CYFIP2: variants seen among roughly 807,000 people sequenced by gnomAD.
CYFIP2 encodes cytoplasmic FMR1-interacting protein 2.
In CYFIP2, 29 loss-of-function variants were observed where a neutral mutation model predicts 158.7. That is an observed-to-expected ratio of 0.18 (90% CI 0.14 to 0.25). The LOEUF (loss-of-function observed/expected upper bound fraction) is 0.25. CYFIP2 is among the 10% of genes least tolerant of loss of function. The pLI, the probability that CYFIP2 is intolerant of heterozygous loss-of-function variation, is 1.00. For missense variants in CYFIP2, 852 were observed against 1,639.5 expected (o/e 0.52, Z 8.29); for synonymous variants, 585 against 617.6 (o/e 0.95, Z 0.78).
Position 157,383,307 on chromosome 5 carries a change from A to C in CYFIP2, c.3155A>C (p.Lys1052Thr). 6.2e-7 allele frequency: 1 copy of C among 1,613,934 alleles called. No individual in the cohort carries two copies. Among genetic ancestry groups the C allele is most frequent in the South Asian group, 1.1e-5 (1 of 91,064 alleles). Residue 1052 changes from lysine (K) to threonine (T), a missense_variant, in exon 28 of 31, where the codon AAG (lysine) becomes ACG (threonine). By Grantham distance (78) the Lys-to-Thr change is moderately conservative. Around this residue, in one of 8 missense-constraint regions of CYFIP2, gnomAD observed 223 missense variants for 381.6 expected, o/e 0.58. Coordinates refer to ENST00000620254, the MANE Select transcript of CYFIP2 (RefSeq NM_001037333.3). ...GTCCGGATGAAACGTCTGGAAGCCA[A>C]GTATGCCCCGCTCCACCTGGTCCCT... is the stretch of plus-strand genomic sequence containing the variant. The part of the protein sequence containing the change: ...LEVRMKRLEA[K>T]YAPLHLVPLI...
At chr5:157,300,488 T>A (rs1758651595) in intron 5 of CYFIP2, among the ~76,000 whole-genome samples, 2 of 145,652 alleles carry the variant, frequency 1.4e-5, no homozygotes, top group African/African-American at 2.6e-5. Context: ...TGAGCCGAGA[T>A]CGCACCGCTG....
chr5:157,286,933 G>C (rs1043954653), intron 2 of CYFIP2, 86 bp from the exon 3 acceptor site: 3 of 963,738 alleles, frequency 3.1e-6, no homozygotes, highest in Non-Finnish European at 4.9e-6. Flanking sequence ...TGCGTTGTTT[G>C]TTGGCAGCAG....
intron 7 of CYFIP2, 79 bp downstream of exon 7, chr5:157,302,969 A>T (rs1013523993): frequency 9.1e-7 from 1 of 1,102,674 alleles, no homozygotes; most frequent in Non-Finnish European, 1.3e-6. Context: ...GTGGACCACG[A>T]GCCCAAGCAG....
chr5:157,392,143 C>T (rs1344068954), intron 30 of CYFIP2, among the ~76,000 whole-genome samples: 1 of 152,022 alleles, frequency 6.6e-6, no homozygotes, highest in Non-Finnish European at 1.5e-5. Context: ...TTTACATATT[C>T]TAGATATTAC....
At chr5:157,307,636 G>GGTGTGTGTGTGT (rs144622623) in intron 8 of CYFIP2, 125 bp from the exon 9 acceptor site, 8,173 of 427,476 alleles carry the variant, frequency 0.019, 216 homozygotes, top group African/African-American at 0.094. Context: ...GTCTCTACAG[G>GGTGTGTGTGTGT]GTGTGTGTGT....
chr5:157,294,675 A>G (rs1457702487), intron 3 of CYFIP2, 108 bp from the exon 4 acceptor site: 32 of 771,088 alleles, frequency 4.1e-5, no homozygotes, highest in Non-Finnish European at 6.9e-5. Flanking sequence ...AGTGATGTCC[A>G]TGCTGTGGGT....
intron 17 of CYFIP2, 189 bp downstream of exon 17, chr5:157,325,827 C>T: frequency 1.6e-6 from 1 of 632,426 alleles, no homozygotes; most frequent in Non-Finnish European, 2.6e-6. Context: ...CTGAAGTTTC[C>T]CAGCCCAACT....
chr5:157,347,995 C>G (rs911231641), intron 23 of CYFIP2, among the ~76,000 whole-genome samples: 3 of 152,270 alleles, frequency 2.0e-5, no homozygotes, highest in African/African-American at 7.2e-5. Context: ...GATAAAGTAT[C>G]TGGGACACCT....
intron 25 of CYFIP2, among the ~76,000 whole-genome samples, chr5:157,360,851 TGGA>T (rs1263280965): frequency 2.0e-5 from 3 of 152,198 alleles, no homozygotes; most frequent in African/African-American, 7.2e-5. Flanking sequence ...AAACAGGGCC[TGGA>T]GAAGAGGGAA....
chr5:157,305,143 C>T (rs1183055923), intron 8 of CYFIP2, among the ~76,000 whole-genome samples: 2 of 152,044 alleles, frequency 1.3e-5, no homozygotes, highest in Non-Finnish European at 2.9e-5. Context: ...TTTTCTTTAT[C>T]TGCTTGTTGG....
chr5:157,309,958 A>G, intron 10 of CYFIP2, 124 bp downstream of exon 10: 1 of 927,760 alleles, frequency 1.1e-6, no homozygotes, highest in South Asian at 1.5e-5. Context: ...CCATCAGAAC[A>G]CAGGTGCCGG....
chr5:157,278,104 T>G (rs1313219290), intron 1 of CYFIP2, among the ~76,000 whole-genome samples: 1 of 152,064 alleles, frequency 6.6e-6, no homozygotes, highest in African/African-American at 2.4e-5. Flanking sequence ...ACTGTAAATT[T>G]TTTTAATAGG....
At chr5:157,328,615 A>G (rs1174795214) in intron 19 of CYFIP2, among the ~76,000 whole-genome samples, 1 of 152,244 alleles carries the variant, frequency 6.6e-6, no homozygotes, top group African/African-American at 2.4e-5. Context: ...CTGCATGCTA[A>G]GGCTGGGGAG....
At chr5:157,272,019 G>T (rs35405012) in intron 1 of CYFIP2, among the ~76,000 whole-genome samples, 139 of 152,322 alleles carry the variant, frequency 9.1e-4, no homozygotes, top group African/African-American at 3.3e-3. Flanking sequence ...GCATGAGGCC[G>T]TTCCCCTGAG....
chr5:157,327,124 G>A (rs1422359039), intron 18 of CYFIP2, among the ~76,000 whole-genome samples: 1 of 152,154 alleles, frequency 6.6e-6, no homozygotes, highest in Non-Finnish European at 1.5e-5. Context: ...GATTCTTCAT[G>A]TCTGTGTGAA....
chr5:157,289,725 T>C (rs1199274129), intron 3 of CYFIP2, among the ~76,000 whole-genome samples: 1 of 152,236 alleles, frequency 6.6e-6, no homozygotes, highest in African/African-American at 2.4e-5. Context: ...TACAGTCACA[T>C]TCTGAGGTCC....
chr5:157,287,949 C>T (rs925490615), intron 3 of CYFIP2, among the ~76,000 whole-genome samples: 6 of 151,796 alleles, frequency 4.0e-5, no homozygotes, highest in Admixed American at 6.6e-5. Context: ...AAAAATTAGC[C>T]GGGTGAGGTG....
At chr5:157,295,838 T>C (rs1449563106) in intron 4 of CYFIP2, among the ~76,000 whole-genome samples, 2 of 152,236 alleles carry the variant, frequency 1.3e-5, no homozygotes, top group Non-Finnish European at 2.9e-5. Context: ...TCAGATCCCA[T>C]GTATCCATTA....
chr5:157,325,774 C>T (rs768989287), intron 17 of CYFIP2, 136 bp downstream of exon 17: 13 of 917,800 alleles, frequency 1.4e-5, no homozygotes, highest in Non-Finnish European at 2.0e-5. Context: ...ACAGGGAGAG[C>T]TCAGCCAGAC....
Sources: gnomAD v4.1 joint callset for allele counts (sites outside exome capture counted in the v4.1 genomes callset) on GRCh38, gnomAD v4.1.1 for gene constraint, gnomAD v4.1.1 regional missense constraint, MANE v1.5 for transcripts, NCBI Gene and HGNC (gene_info 2026-07-23, HGNC 2026-07-21) for gene names.